ST8SIA6: variants seen among roughly 807,000 people sequenced by gnomAD.
The protein encoded by ST8SIA6 is ST8 alpha-N-acetyl-neuraminide alpha-2,8-sialyltransferase 6.
A neutral mutation model predicts 33.6 loss-of-function variants in ST8SIA6; 39 were observed. That is an observed-to-expected ratio of 1.16 (90% confidence interval 0.90 to 1.52). The LOEUF is 1.52. ST8SIA6 is among the 40% of genes most tolerant of loss of function. ST8SIA6 has a pLI of 0.00. For missense variants in ST8SIA6, 441 were observed against 443.8 expected, an observed-to-expected ratio of 0.99 and a Z score of 0.06; for synonymous variants, 172 against 167.2, an observed-to-expected ratio of 1.03 and a Z score of -0.22.
At chr10:17,374,865 G>C (rs961625602) in intron 3 of ST8SIA6, among the ~76,000 whole-genome samples, 1 of 151,602 alleles carries the variant, frequency 6.6e-6, no homozygotes, top group African/African-American at 2.4e-5. Context: ...TAAGAATGTA[G>C]TGTGTTGGTA....
intron 4 of ST8SIA6, among the ~76,000 whole-genome samples, chr10:17,342,319 A>G (rs1848704865): frequency 6.6e-6 from 1 of 152,218 alleles, no homozygotes; most frequent in East Asian, 1.9e-4. Context: ...TCATTTCACT[A>G]TCATATGAGG....
chr10:17,433,698 T>C (rs1353130070), intron 2 of ST8SIA6, among the ~76,000 whole-genome samples: 1 of 152,160 alleles, frequency 6.6e-6, no homozygotes, highest in Non-Finnish European at 1.5e-5. Flanking sequence ...GAATATCAGC[T>C]CTGCCTCACT....
At position 17,422,549 on chromosome 10, in the gene ST8SIA6, C is replaced by T. The variant is rs569021991; in HGVS notation, c.200+31010G>A. The stretch of plus-strand genomic sequence containing the variant: ...GCAAATAGACCTTAATAATTCTACT[C>T]CTCTCTCGCTGCCAATCCTGTACTG... On this transcript the variant is annotated intron_variant, in intron 2 of 7. Transcript: ENST00000377602. 8.5e-5 allele frequency among the ~76,000 whole-genome samples: 13 copies of T among 152,310 alleles called. No individual in the cohort carries two copies. The East Asian group carries it at 1.7e-3, about 20-fold the overall frequency.
At chr10:17,411,571 T>C (rs1400179346) in intron 2 of ST8SIA6, among the ~76,000 whole-genome samples, 1 of 152,332 alleles carries the variant, frequency 6.6e-6, no homozygotes, top group East Asian at 1.9e-4. Flanking sequence ...CCCACTGTTA[T>C]TTCACTTAAA....
chr10:17,412,573 T>A (rs1246042928), intron 2 of ST8SIA6, among the ~76,000 whole-genome samples: 1 of 152,182 alleles, frequency 6.6e-6, no homozygotes, highest in Non-Finnish European at 1.5e-5. Context: ...TGTTTGAGCC[T>A]AGGGGAGCCA....
intron 3 of ST8SIA6, among the ~76,000 whole-genome samples, chr10:17,374,209 T>TAA (rs34878315): frequency 0.35 from 51,522 of 147,280 alleles, 9,135 homozygotes; most frequent in East Asian, 0.59. Context: ...CTGAGGGAGT[T>TAA]AAAAAAAAAA....
chr10:17,417,601 A>G (rs1249960601), intron 2 of ST8SIA6, among the ~76,000 whole-genome samples: 2 of 151,148 alleles, frequency 1.3e-5, no homozygotes, highest in Admixed American at 6.6e-5. Flanking sequence ...TGCTCCCTGC[A>G]CATTCTCCAG....
chr10:17,435,855 A>G (rs964623022), intron 2 of ST8SIA6, among the ~76,000 whole-genome samples: 4 of 152,120 alleles, frequency 2.6e-5, no homozygotes, highest in African/African-American at 7.2e-5. Flanking sequence ...GCACTTCAAA[A>G]AGTTACATCC....
At chr10:17,427,177 G>A (rs1326846474) in intron 2 of ST8SIA6, among the ~76,000 whole-genome samples, 1 of 151,914 alleles carries the variant, frequency 6.6e-6, no homozygotes, top group African/African-American at 2.4e-5. Context: ...AATGTTCAAT[G>A]CCACGGTCTG....
intron 2 of ST8SIA6, among the ~76,000 whole-genome samples, chr10:17,444,421 C>T (rs17141128): frequency 6.6e-6 from 1 of 152,070 alleles, no homozygotes; most frequent in East Asian, 1.9e-4. Flanking sequence ...AAATAAAATT[C>T]CACCTCCAAC....
At chr10:17,381,032 G>GTT (rs34818070) in intron 3 of ST8SIA6, among the ~76,000 whole-genome samples, 5,519 of 148,396 alleles carry the variant, frequency 0.037, 116 homozygotes, top group African/African-American at 0.059. Flanking sequence ...TTGAGCAAAA[G>GTT]TTTTTTTTTT....
chr10:17,402,246 T>G (rs1025411607), intron 2 of ST8SIA6, among the ~76,000 whole-genome samples: 1 of 152,176 alleles, frequency 6.6e-6, no homozygotes, highest in African/African-American at 2.4e-5. Flanking sequence ...CTCACACCAG[T>G]TAGAATGGCG....
intron 2 of ST8SIA6, among the ~76,000 whole-genome samples, chr10:17,419,028 C>T (rs1851696306): frequency 7.0e-6 from 1 of 142,824 alleles, no homozygotes; most frequent in Non-Finnish European, 1.5e-5. Context: ...AAAATTTAGT[C>T]ATGCTCACCA....
At chr10:17,437,579 G>A (rs529552205) in intron 2 of ST8SIA6, among the ~76,000 whole-genome samples, 23 of 152,062 alleles carry the variant, frequency 1.5e-4, no homozygotes, top group African/African-American at 5.3e-4. Context: ...ATGGCTTGTG[G>A]TACCCACATT....
intron 5 of ST8SIA6, among the ~76,000 whole-genome samples, chr10:17,327,414 G>A (rs760209132): frequency 3.2e-4 from 48 of 151,812 alleles, no homozygotes; most frequent in African/African-American, 1.2e-3. Flanking sequence ...GTGAAACCCC[G>A]TCTCTGCGAA....
intron 2 of ST8SIA6, among the ~76,000 whole-genome samples, chr10:17,415,587 T>C (rs2131700495): frequency 6.6e-6 from 1 of 152,186 alleles, no homozygotes; most frequent in Admixed American, 6.5e-5. Flanking sequence ...AGCTTCTAAA[T>C]CCCATTGGGT....
intron 7 of ST8SIA6, among the ~76,000 whole-genome samples, chr10:17,322,192 GAGAC>G (rs1167198682): frequency 2.1e-5 from 3 of 145,684 alleles, no homozygotes; most frequent in African/African-American, 5.2e-5. Context: ...GAGAGAAAGA[GAGAC>G]AGAAAGGAAA....
intron 2 of ST8SIA6, among the ~76,000 whole-genome samples, chr10:17,412,969 A>T (rs115413260): frequency 1.6e-3 from 244 of 152,370 alleles, no homozygotes; most frequent in African/African-American, 5.2e-3. Context: ...ATTATTATGC[A>T]TCAATTAACA....
intron 2 of ST8SIA6, among the ~76,000 whole-genome samples, chr10:17,449,669 C>T (rs1356717490): frequency 6.6e-6 from 1 of 152,206 alleles, no homozygotes; most frequent in Non-Finnish European, 1.5e-5. Context: ...TTCCCCAATC[C>T]TTTGCCTCTA....
Sources: allele counts gnomAD v4.1 joint callset (sites outside exome capture counted in the v4.1 genomes callset), GRCh38; gene constraint gnomAD v4.1.1; transcripts MANE v1.5; gene names NCBI Gene and HGNC (gene_info 2026-07-23, HGNC 2026-07-21).